DSCAML1: variants seen among roughly 807,000 people sequenced by gnomAD.
The protein encoded by DSCAML1 is DS cell adhesion molecule like 1, also known as cell adhesion molecule DSCAML1.
A neutral mutation model predicts 200.5 loss-of-function variants in DSCAML1; 38 were observed. That is an observed-to-expected ratio of 0.19 (90% CI 0.15 to 0.25). The LOEUF (loss-of-function observed/expected upper bound fraction) is 0.25. DSCAML1 is among the 10% of genes least tolerant of loss of function. DSCAML1 has a pLI of 1.00. For synonymous variants in DSCAML1, 1,215 were observed against 1,165.0 expected, an observed-to-expected ratio of 1.04 and a Z score of -0.87; for missense variants, 2,223 against 2,858.8, an observed-to-expected ratio of 0.78 and a Z score of 5.07.
chr11:117,760,952 T>G (rs946792628), intron 3 of DSCAML1, among the ~76,000 whole-genome samples: 5 of 152,146 alleles, frequency 3.3e-5, no homozygotes, highest in Non-Finnish European at 7.4e-5. Flanking sequence ...CCCTTTTCCA[T>G]TTTTCTAGCC....
Position 117,437,861 on chromosome 11 carries a change from C to A in DSCAML1, c.4432+34G>T. Reference sequence around the variant, plus strand: ...TCTAGCCCACCCTCCCTGGGCCCATCGCTCCTTCCCTGCCCCAGTGGCCTG... The same window carrying A: ...TCTAGCCCACCCTCCCTGGGCCCATAGCTCCTTCCCTGCCCCAGTGGCCTG... On this transcript the variant is annotated intron_variant, in intron 25 of 32. Coordinates refer to ENST00000651296, the MANE Select transcript of DSCAML1 (RefSeq NM_020693.4). The surrounding 1 kb of genome is among the most constrained non-coding windows in gnomAD (Gnocchi z 5.3). The A allele has an allele frequency of 6.4e-7, 1 of 1,566,942 alleles. No homozygotes were observed. Among genetic ancestry groups the A allele is most frequent in the Non-Finnish European group, 8.6e-7 (1 of 1,160,190 alleles).
rs2052430403 is a variant in DSCAML1, at chr11:117,642,437, G to T, written c.512-109915C>A. 6.6e-6 allele frequency among the ~76,000 whole-genome samples: 1 copy of T among 152,180 alleles called. No homozygotes were observed. The highest frequency in any genetic ancestry group is 1.5e-5 in the Non-Finnish European group (1 of 68,028). On this transcript the variant is annotated intron_variant, in intron 3 of 32. Transcript: ENST00000651296. The surrounding 1 kb of genome is among the most constrained non-coding windows in gnomAD (Gnocchi z 4.1). ...GGTCACAGTCTGGAGGCACAGTCTGGAAGACAAATAAGGGGAACTGTCAGG... is the reference window on the plus strand; with the variant it reads ...GGTCACAGTCTGGAGGCACAGTCTGTAAGACAAATAAGGGGAACTGTCAGG...
At chr11:117,809,942 CAT>C (rs1050382594) in intron 1 of DSCAML1, among the ~76,000 whole-genome samples, 26 of 142,472 alleles carry the variant, frequency 1.8e-4, no homozygotes, top group African/African-American at 7.3e-4. Flanking sequence ...CGCATATTCA[CAT>C]ACACACATTC....
chr11:117,755,515 GTCA>G (rs1412666823), intron 3 of DSCAML1, among the ~76,000 whole-genome samples: 1 of 152,144 alleles, frequency 6.6e-6, no homozygotes. Context: ...TCCTCGGATT[GTCA>G]TCCCTTTCCT....
In DSCAML1 at chr11:117,437,420, G is replaced by C. The variant is rs909272386; in HGVS notation, c.4433-11C>G. On this transcript the variant is annotated splice_polypyrimidine_tract_variant and intron_variant, in intron 25 of 32. Coordinates refer to ENST00000651296, the MANE Select transcript of DSCAML1 (RefSeq NM_020693.4). This position sits in a 1 kb window ranked among gnomAD's most constrained non-coding sequence, Gnocchi z 5.3. The stretch of plus-strand genomic sequence containing the variant: ...TGCTGAAGGAGGGCTCTGGCAGGCC[G>C]GAGGGAGAGAGAGAGGTTAGAGAGA... The C allele has an allele frequency of 3.1e-6, 5 of 1,608,382 alleles. No individual in the cohort carries two copies. The highest frequency in any genetic ancestry group is 1.1e-5 in the South Asian group (1 of 90,626).
At chr11:117,714,482 T>C (rs1329346730) in intron 3 of DSCAML1, among the ~76,000 whole-genome samples, 14 of 152,096 alleles carry the variant, frequency 9.2e-5, no homozygotes, top group Admixed American at 9.2e-4. Flanking sequence ...GTTCAACACA[T>C]CCCATCTTGC....
At position 117,630,124 on chromosome 11, in the gene DSCAML1, C is replaced by T. The variant is rs143147644; in HGVS notation, c.512-97602G>A. ...CTGCAGTGTCCCCATGGAGAAAGCG[C>T]GAGATGTCACCCCTCCTGCCCTTCT... On this transcript the variant is annotated intron_variant, in intron 3 of 32. Transcript: ENST00000651296. Among the ~76,000 whole-genome samples, 20 of 152,268 alleles carry T rather than the reference C, an allele frequency of 1.3e-4. No homozygotes were observed. In the East Asian group the frequency reaches 2.3e-3, roughly 18 times the overall value.
chr11:117,812,011 T>C (rs1001178692), intron 1 of DSCAML1, among the ~76,000 whole-genome samples: 1 of 152,146 alleles, frequency 6.6e-6, no homozygotes, highest in Admixed American at 6.5e-5. Flanking sequence ...TTTAGTTATC[T>C]CCACCTGCCC....
chr11:117,564,750 T>G (rs1246513836), intron 3 of DSCAML1, among the ~76,000 whole-genome samples: 1 of 149,020 alleles, frequency 6.7e-6, no homozygotes, highest in Non-Finnish European at 1.5e-5. Context: ...CTTTCTTCTC[T>G]CTCTCTCTTT....
intron 20 of DSCAML1, among the ~76,000 whole-genome samples, chr11:117,449,604 C>CCTCCTG (rs899250271): frequency 3.9e-5 from 6 of 152,098 alleles, no homozygotes; most frequent in African/African-American, 1.4e-4. Context: ...GAGGAGCAGG[C>CCTCCTG]CTCCTGCTCC....
chr11:117,476,393 T>C lies in DSCAML1; in HGVS notation c.2785+4050A>G, dbSNP rs533769913. ...TTGGATCACACCTTTGAGACCCCCA[T>C]GACAATCTCTTCACAGCACGGAGAA... On this transcript the variant is annotated intron_variant, in intron 14 of 32. Coordinates refer to ENST00000651296, the MANE Select transcript of DSCAML1 (RefSeq NM_020693.4). 8.9e-4 allele frequency among the ~76,000 whole-genome samples: 136 copies of C among 152,300 alleles called. 1 individual carries two copies. The highest frequency in any genetic ancestry group is 3.2e-3 in the African/African-American group (133 of 41,554).
At chr11:117,713,726 G>A (rs570490794) in intron 3 of DSCAML1, among the ~76,000 whole-genome samples, 47 of 152,248 alleles carry the variant, frequency 3.1e-4, no homozygotes, top group African/African-American at 9.6e-4. Flanking sequence ...TCCCCTTGTC[G>A]GGCCTTGACA....
At chr11:117,491,087 G>A (rs1434179585) in intron 11 of DSCAML1, among the ~76,000 whole-genome samples, 3 of 152,188 alleles carry the variant, frequency 2.0e-5, no homozygotes, top group African/African-American at 7.2e-5. Context: ...AGGAGCGAGC[G>A]AGCAGTGTGT....
intron 3 of DSCAML1, among the ~76,000 whole-genome samples, chr11:117,708,312 T>C (rs1360338300): frequency 2.0e-5 from 3 of 152,216 alleles, no homozygotes; most frequent in Non-Finnish European, 2.9e-5. Flanking sequence ...GACTGGAAAC[T>C]CATTCCCTCC....
At chr11:117,717,766 A>C (rs917099996) in intron 3 of DSCAML1, among the ~76,000 whole-genome samples, 2 of 152,168 alleles carry the variant, frequency 1.3e-5, no homozygotes, top group Non-Finnish European at 2.9e-5. Context: ...CTCGAGGCAC[A>C]TCTGGGGGGT....
intron 3 of DSCAML1, among the ~76,000 whole-genome samples, chr11:117,726,604 C>T (rs2054136111): frequency 6.6e-6 from 1 of 151,842 alleles, no homozygotes; most frequent in South Asian, 2.1e-4. Flanking sequence ...CAAGAGGCTT[C>T]CGGAAGGAAG....
At chr11:117,714,510 AAAG>A (rs2053911753) in intron 3 of DSCAML1, among the ~76,000 whole-genome samples, 2 of 152,246 alleles carry the variant, frequency 1.3e-5, no homozygotes, top group South Asian at 4.2e-4. Context: ...CACATGAAGA[AAAG>A]AAGAACAAGA....
intron 3 of DSCAML1, among the ~76,000 whole-genome samples, chr11:117,760,243 C>G (rs1204553261): frequency 6.6e-6 from 1 of 152,178 alleles, no homozygotes; most frequent in Non-Finnish European, 1.5e-5. Flanking sequence ...TTTCTTTTGG[C>G]ATATTTTCTT....
At chr11:117,623,389 T>C (rs1247441473) in intron 3 of DSCAML1, among the ~76,000 whole-genome samples, 2 of 152,110 alleles carry the variant, frequency 1.3e-5, no homozygotes, top group African/African-American at 4.8e-5. Flanking sequence ...CTAATTTTTG[T>C]ATTTTTAGTA....
Sources: gnomAD v4.1 joint callset for allele counts (sites outside exome capture counted in the v4.1 genomes callset) on GRCh38, gnomAD v4.1.1 for gene constraint, Gnocchi (gnomAD v3.1) non-coding constraint, MANE v1.5 for transcripts, NCBI Gene and HGNC (gene_info 2026-07-23, HGNC 2026-07-21) for gene names.